QKI: variants seen among roughly 807,000 people sequenced by gnomAD.
QKI encodes QKI, KH domain containing RNA binding.
Under a neutral mutation model 39.0 loss-of-function variants are expected in QKI, and 10 were observed. That is an observed-to-expected ratio of 0.26 (90% CI 0.16 to 0.43). The LOEUF (loss-of-function observed/expected upper bound fraction) is 0.43, where lower values mean the gene tolerates loss of function less well. Among genes scored for constraint, QKI ranks in the 20% least tolerant of loss-of-function variants. The pLI is 1.00. For synonymous variants in QKI, 204 were observed against 155.4 expected, an observed-to-expected ratio of 1.31 and a Z score of -2.33; for missense variants, 218 against 428.0, an observed-to-expected ratio of 0.51 and a Z score of 4.33.
chr6:163,561,931 T>C (rs1009321179), intron 4 of QKI, 51 bp from the exon 5 acceptor site: 3 of 1,377,014 alleles, frequency 2.2e-6, no homozygotes, highest in Non-Finnish European at 3.1e-6. Context: ...ATAGCTATTA[T>C]ATTTGTGGAC....
chr6:163,520,713 G>A (rs1469356561), intron 3 of QKI, among the ~76,000 whole-genome samples: 1 of 152,112 alleles, frequency 6.6e-6, no homozygotes, highest in Non-Finnish European at 1.5e-5. Flanking sequence ...ATATTTGAAT[G>A]TACATGTCAG....
chr6:163,492,017 A>G (rs963596400), intron 3 of QKI, among the ~76,000 whole-genome samples: 31 of 152,188 alleles, frequency 2.0e-4, no homozygotes, highest in Admixed American at 1.9e-3. Context: ...ATTGCAGTCA[A>G]TTTCGTTAAG....
chr6:163,488,107 G>A (rs938761640), intron 3 of QKI, among the ~76,000 whole-genome samples: 1 of 152,098 alleles, frequency 6.6e-6, no homozygotes, highest in African/African-American at 2.4e-5. Flanking sequence ...ATATGTTTCC[G>A]TTCATTGAAG....
intron 1 of QKI, among the ~76,000 whole-genome samples, chr6:163,427,293 C>A: frequency 1.9e-5 from 1 of 53,276 alleles, no homozygotes. Flanking sequence ...TAATGTTGTT[C>A]TTGATGGTGA....
At chr6:163,483,789 A>G (rs1793262685) in intron 3 of QKI, among the ~76,000 whole-genome samples, 1 of 152,178 alleles carries the variant, frequency 6.6e-6, no homozygotes. Context: ...ACCTCTCTCC[A>G]TGAATCATGA....
chr6:163,431,092 C>G (rs964852598), intron 1 of QKI, among the ~76,000 whole-genome samples: 2 of 151,872 alleles, frequency 1.3e-5, no homozygotes, highest in Non-Finnish European at 2.9e-5. Context: ...TCTGTGGATC[C>G]TTGGGTGGAG....
intron 2 of QKI, among the ~76,000 whole-genome samples, chr6:163,468,366 A>G (rs886822621): frequency 1.3e-5 from 2 of 152,184 alleles, no homozygotes; most frequent in Non-Finnish European, 2.9e-5. Flanking sequence ...CACAGATTAC[A>G]CTTTATCAGT....
In QKI at chr6:163,487,427, C is replaced by T. The variant is rs73017310; in HGVS notation, c.402+8531C>T. Among the ~76,000 whole-genome samples, 800 of 152,182 alleles carry T rather than the reference C, an allele frequency of 5.3e-3. 5 individuals are homozygous for T. The highest frequency in any genetic ancestry group is 0.017 in the Middle Eastern group (5 of 294). Reference sequence around the variant, plus strand: ...CTCTAAAATAGAACTCTAATGATAACGTGTTTGTGTTTTAATATCTAGAAA... The same window carrying T: ...CTCTAAAATAGAACTCTAATGATAATGTGTTTGTGTTTTAATATCTAGAAA... On this transcript the variant is annotated intron_variant, in intron 3 of 7. Coordinates refer to ENST00000361752, the MANE Select transcript of QKI (RefSeq NM_006775.3).
chr6:163,525,089 T>TATTAACA (rs1409628242), intron 3 of QKI, among the ~76,000 whole-genome samples: 1 of 152,116 alleles, frequency 6.6e-6, no homozygotes, highest in East Asian at 1.9e-4. Flanking sequence ...TTAAAAATCT[T>TATTAACA]ATTAACAATT....
chr6:163,421,155 T>A (rs1396969941), intron 1 of QKI, among the ~76,000 whole-genome samples: 1 of 152,234 alleles, frequency 6.6e-6, no homozygotes, highest in Non-Finnish European at 1.5e-5. Context: ...TTGTTGATAG[T>A]TTTGTGCCCT....
intron 7 of QKI, chr6:163,569,032 AT>A (rs1362527049): frequency 4.1e-6 from 4 of 976,016 alleles, no homozygotes; most frequent in Admixed American, 1.2e-4. Context: ...CACTTACATA[AT>A]TTGTATAAGA....
intron 3 of QKI, among the ~76,000 whole-genome samples, chr6:163,530,964 G>T (rs530443731): frequency 6.6e-6 from 1 of 151,894 alleles, no homozygotes; most frequent in East Asian, 1.9e-4. Flanking sequence ...GTTGGACATC[G>T]TCATTTCAGT....
chr6:163,562,188 C>G (rs945560611), intron 5 of QKI, 119 bp downstream of exon 5: 3 of 560,876 alleles, frequency 5.3e-6, no homozygotes, highest in East Asian at 3.2e-5. Flanking sequence ...AATAACTGTT[C>G]TGTCACTTGA....
intron 1 of QKI, among the ~76,000 whole-genome samples, chr6:163,419,868 C>G (rs1787848655): frequency 6.6e-6 from 1 of 152,144 alleles, no homozygotes; most frequent in African/African-American, 2.4e-5. Context: ...CTGAGAATGT[C>G]AAGTTAAATC....
At chr6:163,539,166 A>T (rs908592570) in intron 4 of QKI, among the ~76,000 whole-genome samples, 4 of 152,172 alleles carry the variant, frequency 2.6e-5, no homozygotes, top group African/African-American at 9.7e-5. Flanking sequence ...GGATCCAGCA[A>T]GGGAGAGCAA....
chr6:163,504,318 T>C (rs1186787305), intron 3 of QKI, among the ~76,000 whole-genome samples: 5 of 152,192 alleles, frequency 3.3e-5, no homozygotes, highest in Non-Finnish European at 1.5e-5. Context: ...TTCCTTTTGC[T>C]TAGGATTGCT....
intron 1 of QKI, among the ~76,000 whole-genome samples, chr6:163,450,879 A>G (rs543860939): frequency 2.6e-5 from 4 of 152,258 alleles, no homozygotes; most frequent in African/African-American, 4.8e-5. Flanking sequence ...ATTATTTCCT[A>G]TTTAAACTGG....
Position 163,495,821 on chromosome 6 carries a change from CCTT to C in QKI, c.402+16928_402+16930del, listed in dbSNP as rs563032870. On this transcript the variant is annotated intron_variant, in intron 3 of 7. Coordinates refer to ENST00000361752, the MANE Select transcript of QKI (RefSeq NM_006775.3). ...AATGTTTTAAAAAGTGATGTTGTGTCCTTCTCAGCCATCACATTAGCAGTTAGA... is the reference window on the plus strand; with the variant it reads ...AATGTTTTAAAAAGTGATGTTGTGTCCTCAGCCATCACATTAGCAGTTAGA... Among the ~76,000 whole-genome samples, 100 of 152,278 alleles carry C rather than the reference CCTT, an allele frequency of 6.6e-4. 1 individual carries two copies. Among genetic ancestry groups the C allele is most frequent in the Admixed American group, 5.5e-3 (84 of 15,298 alleles).
At chr6:163,481,736 A>ATACCCAG (rs1256239033) in intron 3 of QKI, among the ~76,000 whole-genome samples, 5 of 152,222 alleles carry the variant, frequency 3.3e-5, no homozygotes, top group Admixed American at 6.5e-5. Flanking sequence ...TAGTGCATAA[A>ATACCCAG]TACCCAGTGG....
Sources: gnomAD v4.1 joint callset for allele counts (sites outside exome capture counted in the v4.1 genomes callset) on GRCh38, gnomAD v4.1.1 for gene constraint, MANE v1.5 for transcripts, NCBI Gene and HGNC (gene_info 2026-07-23, HGNC 2026-07-21) for gene names.